The following ERC2 variants were observed in gnomAD, a reference collection of about 807,000 sequenced individuals.
ERC2 encodes the protein ELKS/RAB6-interacting/CAST family member 2, also known as ERC protein 2.
In ERC2, 42 loss-of-function variants were observed where a neutral mutation model predicts 114.8. The ratio of observed to expected loss-of-function variants is 0.37; its 90% CI spans 0.29 to 0.47. The LOEUF is 0.47. ERC2 is among the 20% of genes least tolerant of loss of function. The pLI, the probability that ERC2 is intolerant of heterozygous loss-of-function variation, is 0.99. For missense variants in ERC2, 939 were observed against 1,150.7 expected (o/e 0.82, Z 2.66); for synonymous variants, 454 against 425.5 (o/e 1.07, Z -0.82).
chr3:56,078,060 C>T (rs1037909106), intron 7 of ERC2, among the ~76,000 whole-genome samples: 1 of 152,128 alleles, frequency 6.6e-6, no homozygotes, highest in Admixed American at 6.5e-5. Context: ...GAACATGCTC[C>T]AAGACAGGCT....
At chr3:55,680,493 T>C (rs1417755045) in intron 17 of ERC2, among the ~76,000 whole-genome samples, 1 of 152,226 alleles carries the variant, frequency 6.6e-6, no homozygotes, top group East Asian at 1.9e-4. Context: ...CTGACACAAA[T>C]GATACCTACA....
At chr3:55,963,334 T>G (rs1238984003) in intron 12 of ERC2, among the ~76,000 whole-genome samples, 1 of 152,242 alleles carries the variant, frequency 6.6e-6, no homozygotes, top group African/African-American at 2.4e-5. Flanking sequence ...AGTTTGATTC[T>G]TCTTCCTGTA....
intron 2 of ERC2, among the ~76,000 whole-genome samples, chr3:56,423,515 C>A (rs1202262539): frequency 6.6e-6 from 1 of 152,270 alleles, no homozygotes; most frequent in Non-Finnish European, 1.5e-5. Flanking sequence ...CAGTTGAGAA[C>A]TACCAAGTTA....
chr3:55,568,205 A>G (rs1559668077), intron 17 of ERC2, among the ~76,000 whole-genome samples: 1 of 152,198 alleles, frequency 6.6e-6, no homozygotes, highest in Non-Finnish European at 1.5e-5. Context: ...AGTGTCTCCC[A>G]GGAGGTTGCC....
intron 6 of ERC2, among the ~76,000 whole-genome samples, chr3:56,132,768 G>GT (rs1319453785): frequency 6.6e-6 from 1 of 152,024 alleles, no homozygotes; most frequent in African/African-American, 2.4e-5. Flanking sequence ...TCTTTTATTT[G>GT]TTTTTACATA....
intron 4 of ERC2, among the ~76,000 whole-genome samples, chr3:56,164,608 C>T (rs570130163): frequency 3.1e-4 from 47 of 151,874 alleles, no homozygotes; most frequent in African/African-American, 1.1e-3. Context: ...TGGGTGTGTA[C>T]CTACAAGTGA....
intron 6 of ERC2, among the ~76,000 whole-genome samples, chr3:56,118,398 T>A (rs1470397538): frequency 6.6e-6 from 1 of 152,144 alleles, no homozygotes. Context: ...TTGTTAGTAG[T>A]GACAGTAATA....
intron 2 of ERC2, among the ~76,000 whole-genome samples, chr3:56,432,207 T>C (rs556457841): frequency 1.3e-5 from 2 of 152,336 alleles, no homozygotes; most frequent in Admixed American, 6.5e-5. Flanking sequence ...CATCCTGTAA[T>C]TTATAAATAA....
At chr3:56,214,099 C>T (rs549071923) in intron 3 of ERC2, among the ~76,000 whole-genome samples, 3 of 152,292 alleles carry the variant, frequency 2.0e-5, no homozygotes, top group Non-Finnish European at 4.4e-5. Context: ...CAGAGCGCCT[C>T]TCCTCCTCCA....
chr3:55,735,005 A>T, intron 14 of ERC2, 87 bp from the exon 15 acceptor site: 1 of 1,338,770 alleles, frequency 7.5e-7, no homozygotes, highest in South Asian at 1.6e-5. Context: ...TGAACCACAG[A>T]GTATTGTCTC....
intron 15 of ERC2, among the ~76,000 whole-genome samples, chr3:55,714,698 T>TACACAC (rs2064005170): frequency 4.3e-5 from 3 of 70,082 alleles, no homozygotes; most frequent in Admixed American, 1.8e-4. Context: ...TATATATATA[T>TACACAC]ATATATATAT....
At chr3:55,920,177 A>C (rs890356915) in intron 13 of ERC2, among the ~76,000 whole-genome samples, 7 of 152,238 alleles carry the variant, frequency 4.6e-5, no homozygotes, top group Middle Eastern at 3.4e-3. Flanking sequence ...AAAATATTTT[A>C]TCTCTTTAAA....
intron 1 of ERC2, among the ~76,000 whole-genome samples, chr3:56,450,173 A>G (rs866728705): frequency 2.6e-4 from 39 of 152,242 alleles, no homozygotes; most frequent in African/African-American, 9.2e-4. Context: ...AAAAAGCTCT[A>G]TGAAACTCAA....
chr3:55,893,789 AT>A (rs2063721103), intron 13 of ERC2, among the ~76,000 whole-genome samples: 1 of 152,136 alleles, frequency 6.6e-6, no homozygotes, highest in South Asian at 2.1e-4. Context: ...CCCCTCCCAC[AT>A]GTATAATAAG....
In ERC2 at chr3:56,321,100, A is replaced by G. The variant is rs1576423305; in HGVS notation, c.658-24665T>C. Among the ~76,000 whole-genome samples, 4 of 152,172 alleles carry G rather than the reference A, an allele frequency of 2.6e-5. No homozygotes were observed. The South Asian group carries it at 8.3e-4, about 32-fold the overall frequency. Reference sequence around the variant, plus strand: ...CCACATCTCATTTCAAAGACACAAAAGCGTAATCCCACCATGTCCCCAGGA... The same window carrying G: ...CCACATCTCATTTCAAAGACACAAAGGCGTAATCCCACCATGTCCCCAGGA... On this transcript the variant is annotated intron_variant, in intron 2 of 17. Transcript: ENST00000288221.
intron 4 of ERC2, among the ~76,000 whole-genome samples, chr3:56,153,727 G>T (rs1017296071): frequency 7.9e-5 from 12 of 152,152 alleles, no homozygotes; most frequent in African/African-American, 2.9e-4. Context: ...TGGTGAGTGG[G>T]TGGAACATCA....
chr3:55,993,740 T>C (rs2149528712), intron 10 of ERC2, among the ~76,000 whole-genome samples: 1 of 152,050 alleles, frequency 6.6e-6, no homozygotes, highest in East Asian at 1.9e-4. Flanking sequence ...GTTTATTCCC[T>C]TTTACCAACA....
At chr3:55,908,943 G>A (rs1292637619) in intron 13 of ERC2, among the ~76,000 whole-genome samples, 1 of 152,186 alleles carries the variant, frequency 6.6e-6, no homozygotes, top group Non-Finnish European at 1.5e-5. Flanking sequence ...ACATGAAGTA[G>A]TCCCTCGAAT....
chr3:56,355,016 A>T (rs550222386), intron 2 of ERC2, among the ~76,000 whole-genome samples: 4 of 152,360 alleles, frequency 2.6e-5, no homozygotes, highest in African/African-American at 9.6e-5. Context: ...TCAAATGCCA[A>T]GGACTGGAAG....
Sources: gnomAD v4.1 joint callset for allele counts (sites outside exome capture counted in the v4.1 genomes callset) on GRCh38, gnomAD v4.1.1 for gene constraint, MANE v1.5 for transcripts, NCBI Gene and HGNC (gene_info 2026-07-23, HGNC 2026-07-21) for gene names.